ROCK2: variants seen among roughly 807,000 people sequenced by gnomAD.
The protein encoded by ROCK2 is rho-associated protein kinase 2.
A neutral mutation model predicts 195.1 loss-of-function variants in ROCK2; 61 were observed. The observed-to-expected ratio is 0.31, with a 90% CI of 0.25 to 0.39. The LOEUF (loss-of-function observed/expected upper bound fraction) is 0.39, where lower values mean the gene tolerates loss of function less well. ROCK2 is among the 10% of genes least tolerant of loss of function. The pLI is 1.00. For synonymous variants in ROCK2, 504 were observed against 545.5 expected, an observed-to-expected ratio of 0.92 and a Z score of 1.06; for missense variants, 1,109 against 1,637.4, an observed-to-expected ratio of 0.68 and a Z score of 5.57.
chr2:11,262,240 T>C lies in ROCK2; in HGVS notation c.325-12442A>G, dbSNP rs115787747. Among the ~76,000 whole-genome samples the C allele has an allele frequency of 9.0e-3, 1,361 of 152,036 alleles. 16 individuals are homozygous for C. The highest frequency in any genetic ancestry group is 0.031 in the African/African-American group (1,285 of 41,478). ...AAAACACCATCTAACTGGCTATACA[T>C]ATGAAAAAAAACAAAGAACAAAAAA... On this transcript the variant is annotated intron_variant, in intron 3 of 32. Coordinates refer to ENST00000315872, the MANE Select transcript of ROCK2 (RefSeq NM_004850.5).
rs1329048918 is a variant in ROCK2, at chr2:11,235,915, C to T, written c.510G>A (p.Glu170=). ...QDDRYLYMVM[E]YMPGGDLVNL... ...TTACAAGGTCTCCACCAGGCATGTA[C>T]TCCATTACCATGTACAGATACCTAT... The change falls in exon 5 of 33, where the codon GAG becomes GAA. Residue 170 remains glutamate (E), a synonymous_variant. Transcript: ENST00000315872. The surrounding 1 kb of genome is among the most constrained non-coding windows in gnomAD (Gnocchi z 4.2). 2 of 1,613,296 alleles carry T rather than the reference C, an allele frequency of 1.2e-6. No homozygotes were observed. Among genetic ancestry groups the T allele is most frequent in the Middle Eastern group, 1.7e-4 (1 of 6,058 alleles).
chr2:11,250,510 T>C (rs1201483139), intron 3 of ROCK2, among the ~76,000 whole-genome samples: 2 of 152,230 alleles, frequency 1.3e-5, no homozygotes, highest in Non-Finnish European at 2.9e-5. Flanking sequence ...TAACATTTAT[T>C]AGATAAGTAA....
rs575223808 is a variant in ROCK2 at position 11,282,372 on chromosome 2, A to T, written c.324+4167T>A. ...TCTCAAAAAATAATAATTAAAAATA[A>T]ATAAGGAAGAACAAAATGGGAGGGA... On this transcript the variant is annotated intron_variant, in intron 3 of 32. Transcript: ENST00000315872. Among the ~76,000 whole-genome samples, 3 of 152,204 alleles carry T rather than the reference A, an allele frequency of 2.0e-5. No homozygotes were observed. The East Asian group carries it at 5.8e-4, about 29-fold the overall frequency.
chr2:11,329,507 T>G (rs2148261320), intron 1 of ROCK2, among the ~76,000 whole-genome samples: 1 of 152,010 alleles, frequency 6.6e-6, no homozygotes, highest in Non-Finnish European at 1.5e-5. Flanking sequence ...ATTTATTCAC[T>G]GTTATATTTT....
upstream of ROCK2, among the ~76,000 whole-genome samples, chr2:11,345,004 C>T (rs538807716): frequency 6.6e-6 from 1 of 151,104 alleles, no homozygotes; most frequent in East Asian, 2.0e-4. Context: ...CCCAGCGCAC[C>T]GTGCGCTGGG....
At chr2:11,343,962 G>C in intron 1 of ROCK2, 34 bp downstream of exon 1, 2 of 1,581,086 alleles carry the variant, frequency 1.3e-6, no homozygotes, top group South Asian at 2.2e-5. Flanking sequence ...GGTGTGAGCT[G>C]CAACGAGCAA....
At chr2:11,318,022 T>C (rs1302508457) in intron 1 of ROCK2, among the ~76,000 whole-genome samples, 1 of 152,106 alleles carries the variant, frequency 6.6e-6, no homozygotes, top group Non-Finnish European at 1.5e-5. Context: ...TTGTTGGACA[T>C]TTGGGTTGGT....
intron 1 of ROCK2, among the ~76,000 whole-genome samples, chr2:11,305,145 G>A (rs1572386373): frequency 6.6e-6 from 1 of 152,182 alleles, no homozygotes; most frequent in Admixed American, 6.5e-5. Context: ...GGAGGCTGAG[G>A]AGGGTGGAAC....
Position 11,198,699 on chromosome 2 carries a change from A to G in ROCK2, c.2986T>C (p.Leu996=). The part of the protein sequence containing the change: ...ANEKEELNNK[L]KDVQEQLSRL... ...TACATACGCTCTTGAACATCTTTCAATTTGTTATTTAATTCTTCTTTCTCA... is the reference window on the plus strand; with the variant it reads ...TACATACGCTCTTGAACATCTTTCAGTTTGTTATTTAATTCTTCTTTCTCA... The change falls in exon 24 of 33, where the codon TTG becomes CTG. Residue 996 remains leucine (L), a synonymous_variant. Coordinates refer to ENST00000315872, the MANE Select transcript of ROCK2 (RefSeq NM_004850.5). 1 of 1,607,818 alleles carries G rather than the reference A, an allele frequency of 6.2e-7. No individual in the cohort carries two copies. The highest frequency in any genetic ancestry group is 8.5e-7 in the Non-Finnish European group (1 of 1,176,030).
intron 1 of ROCK2, among the ~76,000 whole-genome samples, chr2:11,333,818 A>T (rs1668840688): frequency 6.6e-6 from 1 of 152,236 alleles, no homozygotes; most frequent in South Asian, 2.1e-4. Context: ...CACAGGCATA[A>T]CTAGGTACAT....
chr2:11,204,548 C>A (rs1298803980), intron 20 of ROCK2, among the ~76,000 whole-genome samples: 1 of 152,106 alleles, frequency 6.6e-6, no homozygotes, highest in African/African-American at 2.4e-5. Flanking sequence ...TGCTGGAATT[C>A]TTATTCGCTG....
At chr2:11,193,479 G>GC (rs1284487629) in intron 30 of ROCK2, among the ~76,000 whole-genome samples, 1 of 151,954 alleles carries the variant, frequency 6.6e-6, no homozygotes, top group Non-Finnish European at 1.5e-5. Context: ...AAAAATTCAT[G>GC]TTTAAAAAAA....
chr2:11,343,988 C>A lies in ROCK2; in HGVS notation c.141+8G>T, dbSNP rs1322085550. 3 of 1,586,276 alleles carry A rather than the reference C, an allele frequency of 1.9e-6. No individual in the cohort carries two copies. In the African/African-American group the frequency reaches 4.2e-5, roughly 22 times the overall value. On this transcript the variant is annotated splice_region_variant and intron_variant, in intron 1 of 32. Coordinates refer to ENST00000315872, the MANE Select transcript of ROCK2 (RefSeq NM_004850.5). The stretch of plus-strand genomic sequence containing the variant: ...CAACGAGCAAGCTCCCAGGCCCCGG[C>A]CACCTACCAGCAAGCTCTCCACGTT...
At chr2:11,312,472 C>T (rs1400633310) in intron 1 of ROCK2, among the ~76,000 whole-genome samples, 7 of 151,982 alleles carry the variant, frequency 4.6e-5, no homozygotes, top group Non-Finnish European at 8.8e-5. Context: ...CTCCAAGCAA[C>T]GAATGATTTG....
In ROCK2 at chr2:11,285,175, T is replaced by C. The variant is rs1315729272; in HGVS notation, c.324+1364A>G. 3.3e-5 allele frequency among the ~76,000 whole-genome samples: 5 copies of C among 150,906 alleles called. No homozygotes were observed. The East Asian group carries it at 5.9e-4, about 18-fold the overall frequency. ...TACTTAGAAGACTGAGGCAGGAGAA[T>C]TGCTTGAACCCGGGGGGTGGAGGTT... On this transcript the variant is annotated intron_variant, in intron 3 of 32. Coordinates refer to ENST00000315872, the MANE Select transcript of ROCK2 (RefSeq NM_004850.5).
chr2:11,250,018 T>G (rs953283873), intron 3 of ROCK2, among the ~76,000 whole-genome samples: 2 of 152,172 alleles, frequency 1.3e-5, no homozygotes, highest in South Asian at 4.1e-4. Context: ...AACACTAAAT[T>G]CAATATACAA....
rs942166194 is a variant in ROCK2 at position 11,207,867 on chromosome 2, C to T, written c.2408G>A (p.Arg803His). ...TLKIEQETQK[R>H]CLTQNDLKMQ... ...CTTCAGGTCATTTTGTGTAAGGCAGCGCTTCTGAGTTTCTTGCTCTATTTT... is the reference window on the plus strand; with the variant it reads ...CTTCAGGTCATTTTGTGTAAGGCAGTGCTTCTGAGTTTCTTGCTCTATTTT... Residue 803 changes from arginine (R) to histidine (H), a missense_variant, in exon 20 of 33, where the codon CGC becomes CAC. Physicochemically the swap from Arg to His is conservative, Grantham distance 29. This residue lies in a region of ROCK2 where 542 missense variants were observed against 672.0 expected (regional missense o/e 0.81). Transcript: ENST00000315872. 4 of 1,598,164 alleles carry T rather than the reference C, an allele frequency of 2.5e-6. No individual in the cohort carries two copies. The highest frequency in any genetic ancestry group is 2.7e-5 in the African/African-American group (2 of 74,486).
intron 6 of ROCK2, among the ~76,000 whole-genome samples, chr2:11,227,008 T>C (rs1357157536): frequency 6.6e-6 from 1 of 151,486 alleles, no homozygotes; most frequent in Non-Finnish European, 1.5e-5. Flanking sequence ...AATTCAAAAA[T>C]GTCTGATATA....
At chr2:11,228,589 G>C (rs1481227824) in intron 5 of ROCK2, among the ~76,000 whole-genome samples, 1 of 152,054 alleles carries the variant, frequency 6.6e-6, no homozygotes, top group Non-Finnish European at 1.5e-5. Flanking sequence ...CAAAAGGCAG[G>C]GTATACAATT....
Sources: allele counts gnomAD v4.1 joint callset (sites outside exome capture counted in the v4.1 genomes callset), GRCh38; gene constraint gnomAD v4.1.1; regional missense constraint gnomAD v4.1.1; non-coding constraint Gnocchi (gnomAD v3.1); transcripts MANE v1.5; gene names NCBI Gene and HGNC (gene_info 2026-07-23, HGNC 2026-07-21).